The following DSCAM variants were observed in gnomAD, a reference collection of about 807,000 sequenced individuals.
The protein encoded by DSCAM is cell adhesion molecule DSCAM.
A neutral mutation model predicts 217.7 loss-of-function variants in DSCAM; 47 were observed. The ratio of observed to expected loss-of-function variants is 0.22; its 90% confidence interval spans 0.17 to 0.28. The LOEUF is 0.28. Ranked by LOEUF, DSCAM falls within the 10% of genes least tolerant of loss-of-function variation. The pLI, the probability that DSCAM is intolerant of heterozygous loss-of-function variation, is 1.00. For missense variants in DSCAM, 2,080 were observed against 2,618.3 expected (o/e 0.79, Z 4.49); for synonymous variants, 1,056 against 1,015.3 (o/e 1.04, Z -0.76).
At chr21:40,239,504 A>T (rs1287173892) in intron 11 of DSCAM, among the ~76,000 whole-genome samples, 1 of 152,254 alleles carries the variant, frequency 6.6e-6, no homozygotes, top group African/African-American at 2.4e-5. Context: ...CAAGAGATAA[A>T]GAAAGTAATT....
chr21:40,734,406 T>C lies in DSCAM; in HGVS notation c.44-25635A>G, dbSNP rs115605057. 9.8e-3 allele frequency among the ~76,000 whole-genome samples: 1,496 copies of C among 152,256 alleles called. 24 individuals carry two copies. The highest frequency in any genetic ancestry group is 0.035 in the African/African-American group (1,436 of 41,548). ...ACCCACAGCACATGGGTGCCATGCT[T>C]GGATGCAGGGAGCCTTGAAAAATAC... On this transcript the variant is annotated intron_variant, in intron 1 of 32. Coordinates refer to ENST00000400454, the MANE Select transcript of DSCAM (RefSeq NM_001389.5).
chr21:40,389,032 C>T (rs1167293783), intron 3 of DSCAM, among the ~76,000 whole-genome samples: 2 of 152,114 alleles, frequency 1.3e-5, no homozygotes, highest in Non-Finnish European at 2.9e-5. Context: ...CAATGTAATT[C>T]AACATGTATT....
At chr21:40,148,218 A>T (rs141270397) in intron 16 of DSCAM, among the ~76,000 whole-genome samples, 2 of 151,968 alleles carry the variant, frequency 1.3e-5, no homozygotes, top group Non-Finnish European at 2.9e-5. Flanking sequence ...TGCTAATATG[A>T]TCTATAGTTT....
At chr21:40,448,972 C>T (rs142002213) in intron 3 of DSCAM, among the ~76,000 whole-genome samples, 106 of 152,292 alleles carry the variant, frequency 7.0e-4, no homozygotes, top group Middle Eastern at 3.4e-3. Context: ...GTGGGCAGGA[C>T]TGCATTTATA....
chr21:40,487,714 T>C (rs1478959014), intron 3 of DSCAM, among the ~76,000 whole-genome samples: 1 of 151,960 alleles, frequency 6.6e-6, no homozygotes, highest in Non-Finnish European at 1.5e-5. Flanking sequence ...GGAGAGGCAG[T>C]GAAGATGGGC....
chr21:40,579,411 G>A (rs2076885313), intron 3 of DSCAM, among the ~76,000 whole-genome samples: 1 of 152,104 alleles, frequency 6.6e-6, no homozygotes, highest in African/African-American at 2.4e-5. Context: ...AAAGTTAGGA[G>A]ATATAGAGAA....
At chr21:40,214,735 C>CAAAAAAAAAAAAAAA (rs1209648217) in intron 11 of DSCAM, among the ~76,000 whole-genome samples, 61 of 67,452 alleles carry the variant, frequency 9.0e-4, no homozygotes, top group Non-Finnish European at 1.4e-3. Context: ...GCAACAACAG[C>CAAAAAAAAAAAAAAA]AAAAAAAAAA....
rs114484853 is a variant in DSCAM, at chr21:40,650,127, T to C, written c.508+42683A>G. ...TAAAATCACTGACGGGGACTTTTTTTTTCTTTTTTTAATTGAACTGCTTCC... is the reference window on the plus strand; with the variant it reads ...TAAAATCACTGACGGGGACTTTTTTCTTCTTTTTTTAATTGAACTGCTTCC... On this transcript the variant is annotated intron_variant, in intron 3 of 32. Transcript: ENST00000400454. Among the ~76,000 whole-genome samples, 1,045 of 152,274 alleles carry C rather than the reference T, an allele frequency of 6.9e-3. 11 individuals are homozygous for C. Among genetic ancestry groups the C allele is most frequent in the African/African-American group, 0.023 (972 of 41,548 alleles).
intron 20 of DSCAM, among the ~76,000 whole-genome samples, chr21:40,102,428 T>C (rs995430402): frequency 2.0e-5 from 3 of 152,096 alleles, no homozygotes; most frequent in African/African-American, 7.2e-5. Context: ...GTCTGCTGGG[T>C]AGAGTCGTGG....
chr21:40,495,923 A>AT (rs1405182181), intron 3 of DSCAM, among the ~76,000 whole-genome samples: 1 of 152,176 alleles, frequency 6.6e-6, no homozygotes, highest in African/African-American at 2.4e-5. Flanking sequence ...AAATAGTCTC[A>AT]TTTTTTACAG....
chr21:40,436,492 T>G (rs2075583721), intron 3 of DSCAM, among the ~76,000 whole-genome samples: 1 of 152,148 alleles, frequency 6.6e-6, no homozygotes, highest in African/African-American at 2.4e-5. Context: ...TGCACATACA[T>G]TTAGATTAGG....
intron 19 of DSCAM, among the ~76,000 whole-genome samples, chr21:40,124,705 G>C (rs918608537): frequency 6.6e-6 from 1 of 152,076 alleles, no homozygotes; most frequent in Non-Finnish European, 1.5e-5. Context: ...AGAAGCCCAG[G>C]ACAGATGCTT....
chr21:40,711,465 T>C (rs1455560077), intron 1 of DSCAM, among the ~76,000 whole-genome samples: 1 of 152,216 alleles, frequency 6.6e-6, no homozygotes, highest in Non-Finnish European at 1.5e-5. Context: ...GTCTCCACCC[T>C]GCTGTTAGGA....
At chr21:40,392,610 G>A (rs2837609) in intron 3 of DSCAM, among the ~76,000 whole-genome samples, 102,468 of 152,020 alleles carry the variant, frequency 0.67, 35,414 homozygotes, top group African/African-American at 0.82. Context: ...ATTCCAGGAT[G>A]GGGAATGTGT....
intron 11 of DSCAM, among the ~76,000 whole-genome samples, chr21:40,228,512 T>A (rs1396268519): frequency 6.6e-6 from 1 of 152,188 alleles, no homozygotes. Flanking sequence ...AATACCGCCT[T>A]ATTTGTTCTG....
intron 18 of DSCAM, among the ~76,000 whole-genome samples, chr21:40,138,526 G>A (rs1367276981): frequency 2.0e-5 from 3 of 148,922 alleles, no homozygotes. Context: ...CGGAGTGTGT[G>A]TGGTGTATGT....
chr21:40,828,183 GT>G (rs2091984985), intron 1 of DSCAM, among the ~76,000 whole-genome samples: 1 of 152,094 alleles, frequency 6.6e-6, no homozygotes, highest in Non-Finnish European at 1.5e-5. Flanking sequence ...CGGGGGGACT[GT>G]TTGAGCCCAG....
chr21:40,298,178 T>C (rs561524568), intron 9 of DSCAM, among the ~76,000 whole-genome samples: 1 of 150,024 alleles, frequency 6.7e-6, no homozygotes, highest in African/African-American at 2.5e-5. Context: ...ACCTCCCAGG[T>C]TCAAGCAATT....
intron 11 of DSCAM, among the ~76,000 whole-genome samples, chr21:40,196,192 G>A (rs913663235): frequency 1.3e-5 from 2 of 152,152 alleles, no homozygotes; most frequent in African/African-American, 4.8e-5. Flanking sequence ...CTGGGGTAGA[G>A]TGGTGCCCCT....
Sources: allele counts gnomAD v4.1 joint callset (sites outside exome capture counted in the v4.1 genomes callset), GRCh38; gene constraint gnomAD v4.1.1; transcripts MANE v1.5; gene names NCBI Gene and HGNC (gene_info 2026-07-23, HGNC 2026-07-21).